Variants in RERE observed in about 807,000 individuals in gnomAD.
RERE encodes the protein arginine-glutamic acid dipeptide repeats protein.
RERE carries 40 observed loss-of-function variants against 146.1 expected under a neutral mutation model. The observed-to-expected ratio is 0.27, with a 90% CI of 0.21 to 0.36. The LOEUF is 0.36. RERE is among the 10% of genes least tolerant of loss of function. The probability of loss-of-function intolerance (pLI) is 1.00; values close to 1 mark genes in which losing one functional copy is unlikely to be tolerated. For synonymous variants in RERE, 1,003 were observed against 866.0 expected (o/e 1.16, Z -2.78); for missense variants, 1,933 against 2,138.7 (o/e 0.90, Z 1.90).
intron 4 of RERE, among the ~76,000 whole-genome samples, chr1:8,564,824 A>ATGTGTGTGTGTGTG (rs1182779393): frequency 4.1e-4 from 20 of 48,846 alleles, no homozygotes; most frequent in East Asian, 2.3e-3. Context: ...ATGTGTGTGT[A>ATGTGTGTGTGTGTG]TATGTGTATG....
intron 1 of RERE, among the ~76,000 whole-genome samples, chr1:8,770,198 A>G (rs1185360984): frequency 6.6e-6 from 1 of 152,238 alleles, no homozygotes; most frequent in Non-Finnish European, 1.5e-5. Context: ...ACCACTGAAC[A>G]CAGTGTTTTC....
chr1:8,804,187 C>T (rs1338323965), intron 1 of RERE, among the ~76,000 whole-genome samples: 4 of 151,926 alleles, frequency 2.6e-5, no homozygotes, highest in Admixed American at 2.6e-4. Flanking sequence ...TAATGAATCA[C>T]ATAAAATATA....
chr1:8,734,564 C>G (rs1170730253), intron 1 of RERE, among the ~76,000 whole-genome samples: 1 of 152,164 alleles, frequency 6.6e-6, no homozygotes. Flanking sequence ...TTTGCAAGAC[C>G]TTGGATAAGT....
intron 3 of RERE, among the ~76,000 whole-genome samples, chr1:8,623,608 G>A (rs972597546): frequency 6.6e-6 from 1 of 152,108 alleles, no homozygotes; most frequent in Non-Finnish European, 1.5e-5. Context: ...ATGTTTATTT[G>A]CAGACCTCTG....
chr1:8,525,301 C>T (rs950134982), intron 7 of RERE, among the ~76,000 whole-genome samples: 1 of 152,234 alleles, frequency 6.6e-6, no homozygotes, highest in Non-Finnish European at 1.5e-5. Context: ...GTTCCACCCA[C>T]CTTCAAAGCA....
intron 12 of RERE, among the ~76,000 whole-genome samples, chr1:8,415,597 G>T (rs1424291211): frequency 6.6e-6 from 1 of 152,160 alleles, no homozygotes; most frequent in Non-Finnish European, 1.5e-5. Flanking sequence ...AAGGCCCTTG[G>T]TTTAAAAAGT....
intron 1 of RERE, among the ~76,000 whole-genome samples, chr1:8,725,023 G>A (rs1467081879): frequency 6.6e-6 from 1 of 152,034 alleles, no homozygotes; most frequent in Non-Finnish European, 1.5e-5. Context: ...CTAATGAGTA[G>A]TGTATATTTT....
intron 1 of RERE, among the ~76,000 whole-genome samples, chr1:8,694,657 A>G (rs199734218): frequency 6.6e-6 from 1 of 151,860 alleles, no homozygotes; most frequent in African/African-American, 2.4e-5. Context: ...TACTCGGGAG[A>G]CTGAGGCAGG....
At chr1:8,464,543 T>G (rs1329061490) in intron 11 of RERE, among the ~76,000 whole-genome samples, 1 of 152,172 alleles carries the variant, frequency 6.6e-6, no homozygotes, top group Admixed American at 6.5e-5. Flanking sequence ...CACCATGCCC[T>G]GACAGCAGGC....
At chr1:8,488,528 G>A (rs548991957) in intron 10 of RERE, among the ~76,000 whole-genome samples, 1 of 152,312 alleles carries the variant, frequency 6.6e-6, no homozygotes, top group African/African-American at 2.4e-5. Context: ...TTATAGGTGT[G>A]AGCCACTGCG....
Position 8,792,139 on chromosome 1 carries a change from C to T in RERE, c.-145+25021G>A, listed in dbSNP as rs139737903. 2.5e-3 allele frequency among the ~76,000 whole-genome samples: 378 copies of T among 151,998 alleles called. 1 individual carries two copies. The highest frequency in any genetic ancestry group is 8.3e-3 in the African/African-American group (344 of 41,468). ...AAAACAAAAAGACAAAGTATAAGAG[C>T]GCCTTCTTCACTTAATGAAGCCCAA... On this transcript the variant is annotated intron_variant, in intron 1 of 22. Transcript: ENST00000400908.
intron 9 of RERE, among the ~76,000 whole-genome samples, chr1:8,496,688 G>C (rs1054768651): frequency 5.9e-5 from 9 of 152,138 alleles, no homozygotes; most frequent in African/African-American, 2.2e-4. Context: ...CCCGCTCTGT[G>C]CCGTGTGAGG....
intron 1 of RERE, among the ~76,000 whole-genome samples, chr1:8,759,545 G>A (rs939985058): frequency 1.3e-5 from 2 of 152,112 alleles, no homozygotes; most frequent in South Asian, 4.1e-4. Flanking sequence ...AAAACAGAAC[G>A]AAAACTGCAA....
chr1:8,358,178 C>A lies in RERE; in HGVS notation c.4339+18G>T. 1.9e-6 allele frequency: 3 copies of A among 1,572,378 alleles called. No individual in the cohort carries two copies. The highest frequency in any genetic ancestry group is 2.6e-6 in the Non-Finnish European group (3 of 1,152,066). On this transcript the variant is annotated intron_variant, in intron 20 of 22. Transcript: ENST00000400908. Reference sequence around the variant, plus strand: ...CCTCCCCGTGCCTCTGTCCCACCTGCCACGCTGGGGCACGCACCTTGGTGG... The same window carrying A: ...CCTCCCCGTGCCTCTGTCCCACCTGACACGCTGGGGCACGCACCTTGGTGG...
At position 8,541,239 on chromosome 1, in the gene RERE, T is replaced by C. The variant is rs780419039; in HGVS notation, c.805A>G (p.Ile269Val). 1.9e-6 allele frequency: 3 copies of C among 1,604,256 alleles called. No homozygotes were observed. The highest frequency in any genetic ancestry group is 1.3e-5 in the African/African-American group (1 of 74,660). ...CTTGTCTCAGGGTTATATCCTAATATGTAGAAAAATGAATCCACTCGGGCT... is the reference window on the plus strand; with the variant it reads ...CTTGTCTCAGGGTTATATCCTAATACGTAGAAAAATGAATCCACTCGGGCT... ...FKARVDSFFY[I>V]LGYNPETRRL... The change falls in exon 7 of 23, where the codon ATA becomes GTA. Residue 269 changes from isoleucine to valine, a missense_variant. By Grantham distance (29) the Ile-to-Val change is conservative. Transcript: ENST00000400908.
Position 8,750,642 on chromosome 1 carries a change from C to T in RERE, c.-145+66518G>A, listed in dbSNP as rs1640514162. 2.3e-5 allele frequency: 21 copies of T among 925,398 alleles called. No homozygotes were observed. In the East Asian group the frequency reaches 4.8e-4, roughly 21 times the overall value. The allele number at this position is 925,398 out of a possible 1,614,324, so 57.3% of individuals were successfully genotyped here. On this transcript the variant is annotated intron_variant, in intron 1 of 22. Transcript: ENST00000400908. ...ATGTACAGAACTGAAATTCGAATGG[C>T]AAGGATGGCAAGAAAAGCTGGCAAC...
Position 8,423,568 on chromosome 1 carries a change from C to G in RERE, c.1204-761G>C. 1.0e-6 allele frequency: 1 copy of G among 985,300 alleles called. No homozygotes were observed. Among genetic ancestry groups the G allele is most frequent in the Non-Finnish European group, 1.2e-6 (1 of 829,874 alleles). The allele number at this position is 985,300 out of a possible 1,614,324, so 61.0% of individuals were successfully genotyped here. ...CTGGCTCCGAGCCCCCACCTCGGGG[C>G]TCCCAGCCTGGTCCCGGGCGGCCGA... On this transcript the variant is annotated intron_variant, in intron 11 of 22. Coordinates refer to ENST00000400908, the MANE Select transcript of RERE (RefSeq NM_001042681.2). The surrounding 1 kb of genome is among the most constrained non-coding windows in gnomAD (Gnocchi z 5.4).
intron 10 of RERE, among the ~76,000 whole-genome samples, chr1:8,487,589 C>T (rs1644918943): frequency 6.6e-6 from 1 of 152,050 alleles, no homozygotes; most frequent in African/African-American, 2.4e-5. Flanking sequence ...ACAAATACAA[C>T]AAAAACTGCA....
chr1:8,665,853 G>T (rs1638559691), intron 1 of RERE, among the ~76,000 whole-genome samples: 1 of 152,128 alleles, frequency 6.6e-6, no homozygotes. Context: ...AGAGAAAAAA[G>T]ACACAACAAA....
Sources: allele counts gnomAD v4.1 joint callset (sites outside exome capture counted in the v4.1 genomes callset), GRCh38; gene constraint gnomAD v4.1.1; non-coding constraint Gnocchi (gnomAD v3.1); transcripts MANE v1.5; gene names NCBI Gene and HGNC (gene_info 2026-07-23, HGNC 2026-07-21).